Variants in ITGAV observed in about 807,000 individuals in gnomAD.
The protein encoded by ITGAV is integrin subunit alpha V.
Under a neutral mutation model 143.8 loss-of-function variants are expected in ITGAV, and 76 were observed. That is an observed-to-expected ratio of 0.53 (90% confidence interval 0.44 to 0.64). The LOEUF is 0.64. Ranked by LOEUF, ITGAV falls within the 30% of genes least tolerant of loss-of-function variation. The pLI is 0.00. For synonymous variants in ITGAV, 453 were observed against 446.7 expected, an observed-to-expected ratio of 1.01 and a Z score of -0.18; for missense variants, 1,193 against 1,274.7, an observed-to-expected ratio of 0.94 and a Z score of 0.98.
At position 186,637,148 on chromosome 2, in the gene ITGAV, T is replaced by A. The variant is rs775932605; in HGVS notation, c.802+39T>A. On this transcript the variant is annotated intron_variant, in intron 8 of 29. Coordinates refer to ENST00000261023, the MANE Select transcript of ITGAV (RefSeq NM_002210.5). ...GAACTATATCTAATCTTTAAAAAAA[T>A]TAGATTAAGTATTTGAAACATGTGG... 6.6e-6 allele frequency: 10 copies of A among 1,514,412 alleles called. No homozygotes were observed. The East Asian group carries it at 6.8e-5, about 10-fold the overall frequency. 93.8% of individuals were successfully genotyped at this position (1,514,412 alleles called of 1,614,324 possible). A position where few individuals can be genotyped will look rare whatever the true frequency, so the allele number is the denominator to read the frequency against.
rs200201282 is a variant in ITGAV, at chr2:186,668,186, A to ATATATGTATATG, written c.2433+415_2433+416insGTATATGTATAT. Among the ~76,000 whole-genome samples the ATATATGTATATG allele has an allele frequency of 5.3e-4, 7 of 13,174 alleles. No homozygotes were observed. The Admixed American group carries it at 7.4e-3, about 14-fold the overall frequency. 8.6% of individuals were successfully genotyped at this position (13,174 alleles called of 152,430 possible). On this transcript the variant is annotated intron_variant, in intron 24 of 29. Coordinates refer to ENST00000261023, the MANE Select transcript of ITGAV (RefSeq NM_002210.5). ...TTGCCTTTTGTTTATACATACATACATATATATATATATATATATATATAT... is the reference window on the plus strand; with the variant it reads ...TTGCCTTTTGTTTATACATACATACATATATGTATATGTATATATATATATATATATATATAT...
chr2:186,677,070 A>G, intron 29 of ITGAV, 127 bp from the exon 30 acceptor site: 1 of 1,210,834 alleles, frequency 8.3e-7, no homozygotes, highest in South Asian at 1.3e-5. Context: ...ATTACTTATT[A>G]TATGAGGGAA....
chr2:186,652,971 C>G (rs1218914639), intron 15 of ITGAV, among the ~76,000 whole-genome samples: 5 of 121,366 alleles, frequency 4.1e-5, no homozygotes, highest in Non-Finnish European at 7.9e-5. Flanking sequence ...CGGAGTCTCG[C>G]TCTGTCGCCC....
At chr2:186,630,552 A>G (rs1035354322) in intron 4 of ITGAV, among the ~76,000 whole-genome samples, 6 of 151,938 alleles carry the variant, frequency 3.9e-5, no homozygotes, top group Non-Finnish European at 5.9e-5. Flanking sequence ...TTATCATTTT[A>G]GTTGGTTTCT....
At chr2:186,612,244 T>G (rs568255457) in intron 2 of ITGAV, among the ~76,000 whole-genome samples, 1 of 152,322 alleles carries the variant, frequency 6.6e-6, no homozygotes, top group South Asian at 2.1e-4. Context: ...GCCATGTTTC[T>G]TAGTAATGTG....
intron 10 of ITGAV, among the ~76,000 whole-genome samples, chr2:186,639,406 C>G (rs2105708780): frequency 6.6e-6 from 1 of 152,246 alleles, no homozygotes; most frequent in East Asian, 1.9e-4. Flanking sequence ...GTATGGCAGT[C>G]AAGATTGATG....
rs372425550 is a variant in ITGAV, at chr2:186,669,554, C to T, written c.2593-147C>T. ...TAATCTTTATTTTCTGTCCTTACTG[C>T]TCACTATATACTGAGTGGTAAATAT... On this transcript the variant is annotated intron_variant, in intron 25 of 29. Transcript: ENST00000261023. The T allele has an allele frequency of 2.2e-5, 13 of 601,372 alleles. No homozygotes were observed. In the East Asian group the frequency reaches 3.3e-4, roughly 15 times the overall value. The allele number at this position is 601,372 out of a possible 1,614,324, so 37.3% of individuals were successfully genotyped here.
intron 26 of ITGAV, chr2:186,670,100 T>C: frequency 2.7e-6 from 1 of 373,466 alleles, no homozygotes; most frequent in Non-Finnish European, 4.9e-6. Context: ...TCCTAATCTC[T>C]GAGGCTTTAG....
intron 29 of ITGAV, 83 bp downstream of exon 29, chr2:186,677,018 A>G (rs1689232430): frequency 6.9e-7 from 1 of 1,457,708 alleles, no homozygotes; most frequent in Non-Finnish European, 9.5e-7. Flanking sequence ...ATGAAAAGTA[A>G]GGGAAGGAAG....
At chr2:186,615,602 C>A (rs1687331921) in intron 2 of ITGAV, among the ~76,000 whole-genome samples, 1 of 151,630 alleles carries the variant, frequency 6.6e-6, no homozygotes, top group Non-Finnish European at 1.5e-5. Context: ...GTTATTTCTT[C>A]TTTGGAGAAA....
intron 3 of ITGAV, among the ~76,000 whole-genome samples, chr2:186,623,320 T>A (rs1030424331): frequency 6.6e-6 from 1 of 152,236 alleles, no homozygotes; most frequent in Non-Finnish European, 1.5e-5. Context: ...TTTCTTGCAC[T>A]GTCAGCATTA....
intron 12 of ITGAV, among the ~76,000 whole-genome samples, chr2:186,644,037 A>T (rs1442435183): frequency 4.6e-5 from 7 of 151,788 alleles, no homozygotes; most frequent in Non-Finnish European, 7.4e-5. Context: ...TCGACTTCCC[A>T]GGCTCAAGCA....
chr2:186,639,170 G>A (rs1290624534), intron 10 of ITGAV, among the ~76,000 whole-genome samples: 1 of 152,126 alleles, frequency 6.6e-6, no homozygotes, highest in Non-Finnish European at 1.5e-5. Context: ...ACATTTCTCT[G>A]CGAGTACAGG....
intron 4 of ITGAV, among the ~76,000 whole-genome samples, chr2:186,628,284 TTTTA>T (rs1308281424): frequency 6.6e-6 from 1 of 152,194 alleles, no homozygotes; most frequent in South Asian, 2.1e-4. Flanking sequence ...TTGTGGGTTA[TTTTA>T]TTTATTTGTT....
chr2:186,620,530 A>G (rs1262277846), intron 2 of ITGAV, among the ~76,000 whole-genome samples: 2 of 152,180 alleles, frequency 1.3e-5, no homozygotes, highest in Non-Finnish European at 2.9e-5. Flanking sequence ...TGGGAAGCTG[A>G]GGCAGGTTGA....
At position 186,605,799 on chromosome 2, in the gene ITGAV, T is replaced by TACAG. The variant is rs1687046688; in HGVS notation, c.316+3649_316+3650insCAGA. On this transcript the variant is annotated intron_variant, in intron 2 of 29. Transcript: ENST00000261023. Reference sequence around the variant, plus strand: ...CATATATTCTTATGTATATGTATAATATATTCTTATGTATATGTATAATAC... The same window carrying TACAG: ...CATATATTCTTATGTATATGTATAATACAGATATTCTTATGTATATGTATAATAC... Among the ~76,000 whole-genome samples the TACAG allele has an allele frequency of 1.3e-5, 2 of 148,394 alleles. 1 individual carries two copies. Among genetic ancestry groups the TACAG allele is most frequent in the Non-Finnish European group, 3.0e-5 (2 of 67,254 alleles).
At chr2:186,638,657 T>TGC (rs1688018092) in intron 10 of ITGAV, among the ~76,000 whole-genome samples, 192 bp downstream of exon 10, 1 of 151,492 alleles carries the variant, frequency 6.6e-6, no homozygotes, top group Admixed American at 6.6e-5. Context: ...TGTGTGTGTG[T>TGC]GTGTGTGTGT....
intron 11 of ITGAV, among the ~76,000 whole-genome samples, 168 bp downstream of exon 11, chr2:186,641,135 ATGTT>A (rs1284173191): frequency 4.6e-5 from 7 of 152,172 alleles, no homozygotes; most frequent in African/African-American, 7.2e-5. Context: ...AAAACCTCAT[ATGTT>A]TGTTCTGTTT....
intron 15 of ITGAV, 148 bp downstream of exon 15, chr2:186,652,237 C>G (rs1383448781): frequency 1.6e-6 from 1 of 614,186 alleles, no homozygotes; most frequent in Non-Finnish European, 2.9e-6. Flanking sequence ...TTATTTGAAG[C>G]AAGGTCTGCC....
Sources: allele counts gnomAD v4.1 joint callset (sites outside exome capture counted in the v4.1 genomes callset), GRCh38; gene constraint gnomAD v4.1.1; transcripts MANE v1.5; gene names NCBI Gene and HGNC (gene_info 2026-07-23, HGNC 2026-07-21).